Variants in CEP170B observed in about 807,000 individuals in gnomAD.
The protein encoded by CEP170B is centrosomal protein 170B, also known as centrosomal protein of 170 kDa protein B.
A neutral mutation model predicts 120.6 loss-of-function variants in CEP170B; 55 were observed. That is an observed-to-expected ratio of 0.46 (90% CI 0.37 to 0.57). CEP170B has a LOEUF of 0.57. Ranked by LOEUF, CEP170B falls within the 20% of genes least tolerant of loss-of-function variation. The probability of loss-of-function intolerance (pLI) is 0.00; values close to 1 mark genes in which losing one functional copy is unlikely to be tolerated. For missense variants in CEP170B, 2,212 were observed against 2,253.3 expected, an observed-to-expected ratio of 0.98 and a Z score of 0.37; for synonymous variants, 1,033 against 954.5, an observed-to-expected ratio of 1.08 and a Z score of -1.52.
chr14:104,890,825 A>C (rs1196540581), intron 13 of CEP170B, among the ~76,000 whole-genome samples: 9 of 118,044 alleles, frequency 7.6e-5, no homozygotes, highest in Admixed American at 6.8e-4. Context: ...GGGTGGATGG[A>C]TGGATGGATG....
chr14:104,865,315 G>C lies in CEP170B; in HGVS notation c.-226G>C, dbSNP rs1384036844. On this transcript the variant is annotated 5_prime_UTR_variant, in exon 1 of 19. Transcript: ENST00000414716. This position sits in a 1 kb window ranked among gnomAD's most constrained non-coding sequence, Gnocchi z 6.7. ...AGGCCGCCGGCGGCCGCTCTGCCGT[G>C]GGCTCGGCCCGGGCTGCCACGAGCG... The C allele has an allele frequency of 2.7e-5, 4 of 146,798 alleles. No homozygotes were observed. In the East Asian group the frequency reaches 7.9e-4, roughly 29 times the overall value. 9.1% of individuals were successfully genotyped at this position (146,798 alleles called of 1,614,324 possible).
rs1012926027 is a variant in CEP170B, at chr14:104,886,438, C to T, written c.2199C>T (p.Pro733=). The T allele has an allele frequency of 3.2e-6, 5 of 1,575,234 alleles. No individual in the cohort carries two copies. The highest frequency in any genetic ancestry group is 4.3e-6 in the Non-Finnish European group (5 of 1,162,270). The part of the protein sequence containing the change: ...PGPPELDSEQ[P]SRLFGQEELD... ...CACCGGAGCTGGACAGTGAGCAGCC[C>T]AGCCGCCTCTTCGGCCAGGAGGAGT... The change falls in exon 12 of 19, where the codon CCC becomes CCT. Residue 733 remains proline, a synonymous_variant. Transcript: ENST00000414716.
chr14:104,888,119 A>T (rs1896620419), intron 12 of CEP170B, 141 bp downstream of exon 12: 3 of 982,484 alleles, frequency 3.1e-6, no homozygotes, highest in Non-Finnish European at 4.3e-6. Flanking sequence ...GCTGGGGTAG[A>T]TGTGTTGCTG....
At chr14:104,890,297 G>A (rs1344075095) in intron 13 of CEP170B, among the ~76,000 whole-genome samples, 1 of 139,330 alleles carries the variant, frequency 7.2e-6, no homozygotes, top group African/African-American at 2.6e-5. Flanking sequence ...TGGGTGGATG[G>A]ATGGATGGGT....
Position 104,894,824 on chromosome 14 carries a change from C to G in CEP170B, c.4531C>G (p.Pro1511Ala). 1 of 1,607,700 alleles carries G rather than the reference C, an allele frequency of 6.2e-7. No homozygotes were observed. Among genetic ancestry groups the G allele is most frequent in the Non-Finnish European group, 8.5e-7 (1 of 1,178,140 alleles). ...LGKGRVAAQS[P>A]PSPASAEALL... ...GAAGGGCCGCGTGGCTGCCCAGAGC[C>G]CACCCTCACCCGCCTCAGCCGAGGC... is the stretch of plus-strand genomic sequence containing the variant. The change falls in exon 19 of 19, where the codon CCA (proline) becomes GCA (alanine). Residue 1511 changes from proline (P) to alanine (A), a missense_variant. By Grantham distance (27) the Pro-to-Ala change is conservative. This residue lies in a region of CEP170B where 2,166 missense variants were observed against 2,166.7 expected (regional missense o/e 1.00). Transcript: ENST00000414716.
intron 4 of CEP170B, among the ~76,000 whole-genome samples, 186 bp from the exon 5 acceptor site, chr14:104,878,257 G>A (rs1008037005): frequency 2.0e-5 from 3 of 152,130 alleles, no homozygotes; most frequent in African/African-American, 7.2e-5. Context: ...AGGACCCCGA[G>A]TCCTGGCCCG....
chr14:104,866,383 C>T (rs995126612), intron 1 of CEP170B, among the ~76,000 whole-genome samples: 1 of 152,168 alleles, frequency 6.6e-6, no homozygotes, highest in African/African-American at 2.4e-5. Flanking sequence ...GTGGGGTAGG[C>T]CCTGCCCGAT....
intron 12 of CEP170B, among the ~76,000 whole-genome samples, chr14:104,888,773 C>G (rs751777970): frequency 6.6e-6 from 1 of 152,256 alleles, no homozygotes; most frequent in South Asian, 2.1e-4. Context: ...CCAGCATCCT[C>G]CCACAGCCCC....
chr14:104,873,675 C>T (rs1486211657), intron 2 of CEP170B, among the ~76,000 whole-genome samples: 4 of 152,076 alleles, frequency 2.6e-5, no homozygotes, highest in South Asian at 2.1e-4. Flanking sequence ...AGCAGGGAGG[C>T]GTCCAGGCTG....
At position 104,894,724 on chromosome 14, in the gene CEP170B, C is replaced by A. The variant is rs765748571; in HGVS notation, c.4431C>A (p.Ile1477=). ...CCCCACCTCCAGTTATCAATGCCAT[C>A]GTGGACCCCAGTGGGAGCCTGGACC... ...VQKQLEVINA[I]VDPSGSLDLL... Residue 1477 remains isoleucine (I), a synonymous_variant, in exon 19 of 19, where the codon ATC becomes ATA. Transcript: ENST00000414716. The A allele has an allele frequency of 6.3e-7, 1 of 1,585,130 alleles. No individual in the cohort carries two copies. The highest frequency in any genetic ancestry group is 2.3e-5 in the East Asian group (1 of 44,424).
Position 104,865,637 on chromosome 14 carries a change from G to C in CEP170B, c.-28+124G>C, listed in dbSNP as rs2140601518. 1 of 151,632 alleles carries C rather than the reference G, an allele frequency of 6.6e-6. No individual in the cohort carries two copies. The highest frequency in any genetic ancestry group is 1.9e-4 in the East Asian group (1 of 5,146). 9.4% of individuals were successfully genotyped at this position (151,632 alleles called of 1,614,324 possible). ...GCCGGACAAAGGCGCGGGGGTTGGG[G>C]GCCGCCCGGCGCACCTGGTCAGGCG... On this transcript the variant is annotated intron_variant, in intron 1 of 18. Coordinates refer to ENST00000414716, the MANE Select transcript of CEP170B (RefSeq NM_001112726.3). This position sits in a 1 kb window ranked among gnomAD's most constrained non-coding sequence, Gnocchi z 6.7.
At position 104,886,682 on chromosome 14, in the gene CEP170B, G is replaced by A. The variant is rs1201640886; in HGVS notation, c.2443G>A (p.Ala815Thr). The change falls in exon 12 of 19, where the codon GCT (alanine) becomes ACT (threonine). Residue 815 changes from alanine (A) to threonine (T), a missense_variant. By Grantham distance (58) the Ala-to-Thr change is moderately conservative. Transcript: ENST00000414716. ...DAVLSRKPLA[A>T]PGDGEGLGQT... ...TGTGTTATCTAGGAAACCGCTTGCGGCTCCAGGGGATGGGGAGGGCCTAGG... is the reference window on the plus strand; with the variant it reads ...TGTGTTATCTAGGAAACCGCTTGCGACTCCAGGGGATGGGGAGGGCCTAGG... 41 of 1,550,026 alleles carry A rather than the reference G, an allele frequency of 2.6e-5. No homozygotes were observed. The highest frequency in any genetic ancestry group is 3.4e-5 in the Non-Finnish European group (39 of 1,150,442).
Position 104,878,301 on chromosome 14 carries a change from G to T in CEP170B, c.275-142G>T. On this transcript the variant is annotated intron_variant, in intron 4 of 18. Transcript: ENST00000414716. ...ACTGTCTGAGCACATGGGTGGGCAT[G>T]GCTGTGCCTCCCCGGGAAGAAAGAG... is the stretch of plus-strand genomic sequence containing the variant. 8 of 817,588 alleles carry T rather than the reference G, an allele frequency of 9.8e-6. No homozygotes were observed. The South Asian group carries it at 1.3e-4, about 13-fold the overall frequency. 50.6% of individuals were successfully genotyped at this position (817,588 alleles called of 1,614,324 possible). A position where few individuals can be genotyped will look rare whatever the true frequency, so the allele number is the denominator to read the frequency against.
intron 13 of CEP170B, 120 bp downstream of exon 13, chr14:104,889,878 A>ATGGC: frequency 9.7e-7 from 1 of 1,027,462 alleles, no homozygotes; most frequent in Admixed American, 2.6e-5. Flanking sequence ...GGTACGGCAG[A>ATGGC]TGGCTGGCTG....
At chr14:104,876,713 C>G (rs2140656953) in intron 3 of CEP170B, among the ~76,000 whole-genome samples, 1 of 152,338 alleles carries the variant, frequency 6.6e-6, no homozygotes, top group East Asian at 1.9e-4. Flanking sequence ...TCAGGCTGCT[C>G]TCAGGGAGAG....
chr14:104,892,945 C>T (rs1454586885), intron 13 of CEP170B, 31 bp from the exon 14 acceptor site: 1 of 1,551,436 alleles, frequency 6.4e-7, no homozygotes, highest in Non-Finnish European at 8.7e-7. Context: ...TTCCTCTGTG[C>T]AGAACCTGCC....
intron 8 of CEP170B, 140 bp downstream of exon 8, chr14:104,883,648 C>T: frequency 9.0e-7 from 1 of 1,111,432 alleles, no homozygotes; most frequent in Non-Finnish European, 1.2e-6. Flanking sequence ...CTAAGAGCCA[C>T]CTGCCTGGTC....
intron 9 of CEP170B, among the ~76,000 whole-genome samples, chr14:104,885,049 C>CG (rs565980190): frequency 0.32 from 6,263 of 19,850 alleles, 233 homozygotes; most frequent in Admixed American, 0.41. Context: ...TCGTGGGGAA[C>CG]GGGGGGTGGA....
chr14:104,896,309 A>T lies in CEP170B; in HGVS notation c.*1351A>T, dbSNP rs552449595. The T allele has an allele frequency of 1.1e-4, 35 of 322,044 alleles. No individual in the cohort carries two copies. The highest frequency in any genetic ancestry group is 8.6e-4 in the South Asian group (35 of 40,842). The allele number at this position is 322,044 out of a possible 1,614,324, so 19.9% of individuals were successfully genotyped here. ...TTCCTCTGAGCCTGCGGCCCACCTGATGTTTACGTGTGTGTGTGAGGGGGG... is the reference window on the plus strand; with the variant it reads ...TTCCTCTGAGCCTGCGGCCCACCTGTTGTTTACGTGTGTGTGTGAGGGGGG... On this transcript the variant is annotated 3_prime_UTR_variant, in exon 19 of 19. Transcript: ENST00000414716.
Sources: allele counts gnomAD v4.1 joint callset (sites outside exome capture counted in the v4.1 genomes callset), GRCh38; gene constraint gnomAD v4.1.1; regional missense constraint gnomAD v4.1.1; non-coding constraint Gnocchi (gnomAD v3.1); transcripts MANE v1.5; gene names NCBI Gene and HGNC (gene_info 2026-07-23, HGNC 2026-07-21).